Variants in PIK3R5 observed in about 807,000 individuals in gnomAD.
PIK3R5 encodes phosphoinositide-3-kinase regulatory subunit 5, also known as phosphoinositide 3-kinase regulatory subunit 5.
PIK3R5 carries 32 observed loss-of-function variants against 94.9 expected under a neutral mutation model. The ratio of observed to expected loss-of-function variants is 0.34; its 90% CI spans 0.25 to 0.45. The LOEUF is 0.45. Ranked by LOEUF, PIK3R5 falls within the 20% of genes least tolerant of loss-of-function variation. The pLI is 1.00. For synonymous variants in PIK3R5, 443 were observed against 479.4 expected (o/e 0.92, Z 0.99); for missense variants, 853 against 1,144.6 (o/e 0.75, Z 3.68).
rs954410341 is a variant in PIK3R5, at chr17:8,889,267, T to C, written c.812-45A>G. The C allele has an allele frequency of 6.8e-7, 1 of 1,472,378 alleles. No homozygotes were observed. Among genetic ancestry groups the C allele is most frequent in the East Asian group, 2.3e-5 (1 of 43,874 alleles). The allele number at this position is 1,472,378 out of a possible 1,614,324, so 91.2% of individuals were successfully genotyped here. On this transcript the variant is annotated intron_variant, in intron 8 of 18. Coordinates refer to ENST00000447110, the MANE Select transcript of PIK3R5 (RefSeq NM_001142633.3). The surrounding 1 kb of genome is among the most constrained non-coding windows in gnomAD (Gnocchi z 4.1). ...AGGAGAAGAGGGCTGGGAAGAGGCCTTGGAGATTGGCCAGTCCAGTCCCCT... is the reference window on the plus strand; with the variant it reads ...AGGAGAAGAGGGCTGGGAAGAGGCCCTGGAGATTGGCCAGTCCAGTCCCCT...
intron 1 of PIK3R5, among the ~76,000 whole-genome samples, chr17:8,944,009 A>G (rs887412125): frequency 1.3e-4 from 20 of 151,848 alleles, no homozygotes; most frequent in Non-Finnish European, 2.1e-4. Flanking sequence ...TTAGTACCCA[A>G]TAGTTATTTT....
At position 8,879,267 on chromosome 17, in the gene PIK3R5, C is replaced by T. The variant is rs1418526189; in HGVS notation, c.*1372G>A. The T allele has an allele frequency of 4.6e-5, 7 of 152,246 alleles. No homozygotes were observed. Among genetic ancestry groups the T allele is most frequent in the African/African-American group, 1.2e-4 (5 of 41,462 alleles). 9.4% of individuals were successfully genotyped at this position (152,246 alleles called of 1,614,324 possible). On this transcript the variant is annotated 3_prime_UTR_variant, in exon 19 of 19. Transcript: ENST00000447110. This position sits in a 1 kb window ranked among gnomAD's most constrained non-coding sequence, Gnocchi z 4.4. ...TACTTTCTCCACATCAGTCCAGATC[C>T]TCGTCTTGACTTCTGCCCTATCTCT... is the stretch of plus-strand genomic sequence containing the variant.
chr17:8,906,366 C>A (rs972365808), intron 3 of PIK3R5, among the ~76,000 whole-genome samples: 1 of 152,220 alleles, frequency 6.6e-6, no homozygotes, highest in Admixed American at 6.5e-5. Flanking sequence ...TATACGGTCT[C>A]TAAGACCACC....
rs9900246 is a variant in PIK3R5, at chr17:8,945,356, A to G, written c.-14+20240T>C. Among the ~76,000 whole-genome samples, 4,220 of 152,178 alleles carry G rather than the reference A, an allele frequency of 0.028. 225 individuals carry two copies. Among genetic ancestry groups the G allele is most frequent in the African/African-American group, 0.097 (4,030 of 41,492 alleles). On this transcript the variant is annotated intron_variant, in intron 1 of 18. Coordinates refer to ENST00000447110, the MANE Select transcript of PIK3R5 (RefSeq NM_001142633.3). The surrounding 1 kb of genome is among the most constrained non-coding windows in gnomAD (Gnocchi z 4.0). Reference sequence around the variant, plus strand: ...TAGGTCTGCCTCCCACCCCAGCCACACACACACACACTCACACCCTTCAGG... The same window carrying G: ...TAGGTCTGCCTCCCACCCCAGCCACGCACACACACACTCACACCCTTCAGG...
intron 1 of PIK3R5, among the ~76,000 whole-genome samples, chr17:8,919,743 G>A (rs1008490568): frequency 5.3e-5 from 8 of 152,132 alleles, no homozygotes; most frequent in Non-Finnish European, 1.2e-4. Context: ...TAAGCACAAT[G>A]AGTTAACATA....
Position 8,911,680 on chromosome 17 carries a change from G to T in PIK3R5, c.-13-173C>A. 1 of 568,398 alleles carries T rather than the reference G, an allele frequency of 1.8e-6. No individual in the cohort carries two copies. The highest frequency in any genetic ancestry group is 3.2e-6 in the Non-Finnish European group (1 of 316,510). The allele number at this position is 568,398 out of a possible 1,614,324, so 35.2% of individuals were successfully genotyped here. A position where few individuals can be genotyped will look rare whatever the true frequency, so the allele number is the denominator to read the frequency against. Reference sequence around the variant, plus strand: ...TACAGCTGCCTCCAGGGTAGGAATGGCATCTGGAGGGCCACATCTGAGTGG... The same window carrying T: ...TACAGCTGCCTCCAGGGTAGGAATGTCATCTGGAGGGCCACATCTGAGTGG... On this transcript the variant is annotated intron_variant, in intron 1 of 18. Transcript: ENST00000447110. The surrounding 1 kb of genome is among the most constrained non-coding windows in gnomAD (Gnocchi z 5.3).
At chr17:8,965,136 G>C (rs552669857) in intron 1 of PIK3R5, among the ~76,000 whole-genome samples, 108 of 152,360 alleles carry the variant, frequency 7.1e-4, no homozygotes, top group African/African-American at 2.5e-3. Context: ...TGGCTAACTA[G>C]CAGGCTGAGT....
intron 3 of PIK3R5, among the ~76,000 whole-genome samples, chr17:8,906,149 C>A (rs1022566262): frequency 2.0e-5 from 3 of 152,156 alleles, no homozygotes; most frequent in Non-Finnish European, 2.9e-5. Flanking sequence ...AATGCTCTCC[C>A]TCCCCTTGTC....
chr17:8,881,598 G>A lies in PIK3R5; in HGVS notation c.2382+32C>T. On this transcript the variant is annotated intron_variant, in intron 17 of 18. Transcript: ENST00000447110. The surrounding 1 kb of genome is among the most constrained non-coding windows in gnomAD (Gnocchi z 4.8). ...ATGCACGCTCCAGTAAGTCTCTTGAGGGTATGGCTGGAAGGAGAGGGAAGC... is the reference window on the plus strand; with the variant it reads ...ATGCACGCTCCAGTAAGTCTCTTGAAGGTATGGCTGGAAGGAGAGGGAAGC... 1 of 1,533,426 alleles carries A rather than the reference G, an allele frequency of 6.5e-7. No individual in the cohort carries two copies. The highest frequency in any genetic ancestry group is 9.0e-7 in the Non-Finnish European group (1 of 1,112,764). 95.0% of individuals were successfully genotyped at this position (1,533,426 alleles called of 1,614,324 possible). A position where few individuals can be genotyped will look rare whatever the true frequency, so the allele number is the denominator to read the frequency against.
intron 3 of PIK3R5, among the ~76,000 whole-genome samples, chr17:8,907,118 G>T (rs748490255): frequency 6.6e-6 from 1 of 152,044 alleles, no homozygotes; most frequent in Non-Finnish European, 1.5e-5. Context: ...CCGCCTCCTG[G>T]GTTCAACCAA....
intron 1 of PIK3R5, among the ~76,000 whole-genome samples, chr17:8,959,057 C>A (rs1359965987): frequency 1.3e-5 from 2 of 151,964 alleles, no homozygotes; most frequent in Non-Finnish European, 2.9e-5. Flanking sequence ...CACGCAGGGC[C>A]TTCTCTTTCA....
Position 8,890,722 on chromosome 17 carries a change from G to A in PIK3R5, c.657+16C>T. On this transcript the variant is annotated intron_variant, in intron 7 of 18. Coordinates refer to ENST00000447110, the MANE Select transcript of PIK3R5 (RefSeq NM_001142633.3). The surrounding 1 kb of genome is among the most constrained non-coding windows in gnomAD (Gnocchi z 6.1). ...AGAGAGGTGCTCCACCAGAGCCCCA[G>A]GCCCCAGGTACATACCTGTAGCCTG... 6.3e-7 allele frequency: 1 copy of A among 1,596,364 alleles called. No homozygotes were observed. The highest frequency in any genetic ancestry group is 8.5e-7 in the Non-Finnish European group (1 of 1,171,486).
rs202044732 is a variant in PIK3R5 at position 8,886,513 on chromosome 17, G to C, written c.1998C>G (p.Ala666=). The change falls in exon 13 of 19, where the codon GCC becomes GCG. Residue 666 remains alanine, a synonymous_variant. Transcript: ENST00000447110. ...AGACTTGCAGCAGCACCGGTCTGGC[G>C]GCAAAGCGGCAGTAGTAGAGTAGCA... ...ADMLLYYCRF[A]ARPVLLQVYQ... is the part of the protein sequence containing the mutation. The C allele has an allele frequency of 9.9e-6, 16 of 1,611,484 alleles. No homozygotes were observed. The highest frequency in any genetic ancestry group is 1.4e-5 in the Non-Finnish European group (16 of 1,178,682).
intron 5 of PIK3R5, among the ~76,000 whole-genome samples, chr17:8,895,672 C>T (rs1251471096): frequency 1.3e-5 from 2 of 152,260 alleles, no homozygotes; most frequent in East Asian, 3.9e-4. Context: ...TATTCGTGTG[C>T]CTTAGTCTCA....
rs1367855693 is a variant in PIK3R5 at position 8,905,063 on chromosome 17, C to A, written c.274-148G>T. 5 of 835,386 alleles carry A rather than the reference C, an allele frequency of 6.0e-6. No individual in the cohort carries two copies. In the Admixed American group the frequency reaches 7.3e-5, roughly 12 times the overall value. 51.7% of individuals were successfully genotyped at this position (835,386 alleles called of 1,614,324 possible). A position where few individuals can be genotyped will look rare whatever the true frequency, so the allele number is the denominator to read the frequency against. On this transcript the variant is annotated intron_variant, in intron 4 of 18. Transcript: ENST00000447110. The stretch of plus-strand genomic sequence containing the variant: ...TGTCCCAGGACAAGGTCAGGTGGAA[C>A]TGGAAGTTACTCACAGGGAGTGGGT...
In PIK3R5 at chr17:8,888,806, C is replaced by CTCCTCCTCT. The variant is rs746642158; in HGVS notation, c.972_980dup (p.Glu327_Glu329dup). On this transcript the variant is annotated inframe_insertion, in exon 10 of 19. Transcript: ENST00000447110. This position sits in a 1 kb window ranked among gnomAD's most constrained non-coding sequence, Gnocchi z 7.8. ...TTTCCAAGTCCTCCTCCACCTCCTC[C>CTCCTCCTCT]TCCTCCTCTTCCTCCTCTTCATCAT... 7 of 1,611,316 alleles carry CTCCTCCTCT rather than the reference C, an allele frequency of 4.3e-6. No homozygotes were observed. The highest frequency in any genetic ancestry group is 4.5e-5 in the East Asian group (2 of 44,890).
At chr17:8,951,499 A>G (rs1283931145) in intron 1 of PIK3R5, among the ~76,000 whole-genome samples, 1 of 152,176 alleles carries the variant, frequency 6.6e-6, no homozygotes, top group African/African-American at 2.4e-5. Context: ...ATCACACAGT[A>G]TTTATCCTTT....
chr17:8,954,694 G>C (rs1171787468), intron 1 of PIK3R5, among the ~76,000 whole-genome samples: 7 of 152,106 alleles, frequency 4.6e-5, no homozygotes, highest in Non-Finnish European at 1.5e-5. Flanking sequence ...CCAGCACTTC[G>C]GGAGGCCGAG....
At chr17:8,902,894 G>C (rs1194366352) in intron 5 of PIK3R5, among the ~76,000 whole-genome samples, 1 of 148,644 alleles carries the variant, frequency 6.7e-6, no homozygotes, top group Non-Finnish European at 1.5e-5. Flanking sequence ...GCCCAGGCTG[G>C]AGTGCAATGG....
Sources: gnomAD v4.1 joint callset for allele counts (sites outside exome capture counted in the v4.1 genomes callset) on GRCh38, gnomAD v4.1.1 for gene constraint, Gnocchi (gnomAD v3.1) non-coding constraint, MANE v1.5 for transcripts, NCBI Gene and HGNC (gene_info 2026-07-23, HGNC 2026-07-21) for gene names.